The following C4orf51 variants were observed in gnomAD, a reference collection of about 807,000 sequenced individuals.
C4orf51 encodes the protein uncharacterized protein C4orf51.
C4orf51 carries 25 observed loss-of-function variants against 25.2 expected under a neutral mutation model. The observed-to-expected ratio is 0.99, with a 90% CI of 0.72 to 1.39. The LOEUF (loss-of-function observed/expected upper bound fraction) is 1.39. Among genes scored for constraint, C4orf51 ranks in the 40% most tolerant of loss-of-function variants. The probability of loss-of-function intolerance (pLI) is 0.00; values close to 1 mark genes in which losing one functional copy is unlikely to be tolerated. For missense variants in C4orf51, 252 were observed against 239.6 expected (o/e 1.05, Z -0.34); for synonymous variants, 100 against 84.5 (o/e 1.18, Z -1.01).
At chr4:145,740,863 A>C (rs4580670) in intron 1 of C4orf51, among the ~76,000 whole-genome samples, 98,314 of 152,132 alleles carry the variant, frequency 0.65, 32,857 homozygotes, top group Non-Finnish European at 0.74. Flanking sequence ...CATGATAGTT[A>C]ATAAAAAACA....
intron 1 of C4orf51, among the ~76,000 whole-genome samples, chr4:145,693,447 C>G (rs1049539890): frequency 1.4e-4 from 22 of 152,276 alleles, no homozygotes; most frequent in African/African-American, 2.6e-4. Context: ...CACACAGACA[C>G]GGCAACCATC....
chr4:145,774,410 G>T, downstream of C4orf51: 1 of 1,362,048 alleles, frequency 7.3e-7, no homozygotes, highest in Non-Finnish European at 1.0e-6. Flanking sequence ...AAAGGGCAAT[G>T]TCTCAGGGCA....
intron 1 of C4orf51, chr4:145,764,980 T>C: frequency 6.2e-7 from 1 of 1,611,810 alleles, no homozygotes; most frequent in Non-Finnish European, 8.5e-7. Context: ...TGTACTTGCT[T>C]TCCTTACTTG....
At chr4:145,790,999 A>C in the C4orf51 span, among the ~76,000 whole-genome samples, 1 of 152,140 alleles carries the variant, frequency 6.6e-6, no homozygotes, top group Non-Finnish European at 1.5e-5. Context: ...ATATGTTTTT[A>C]TATGATGGGA....
chr4:145,780,957 G>C, the C4orf51 span, among the ~76,000 whole-genome samples: 1 of 152,164 alleles, frequency 6.6e-6, no homozygotes, highest in South Asian at 2.1e-4. Flanking sequence ...AGCACTTCGG[G>C]AGGCCGAGGC....
At chr4:145,764,205 C>T (rs925528266) in intron 1 of C4orf51, among the ~76,000 whole-genome samples, 4 of 152,196 alleles carry the variant, frequency 2.6e-5, no homozygotes, top group Admixed American at 6.5e-5. Flanking sequence ...TGTCCTCCTA[C>T]CTGTGCTGCT....
intron 1 of C4orf51, among the ~76,000 whole-genome samples, chr4:145,682,807 T>C (rs1480883154): frequency 6.6e-6 from 1 of 152,158 alleles, no homozygotes; most frequent in Non-Finnish European, 1.5e-5. Context: ...TTGTCTGCCA[T>C]GGTTAAAATA....
At chr4:145,747,815 C>G (rs1387970880) in intron 1 of C4orf51, among the ~76,000 whole-genome samples, 1 of 150,952 alleles carries the variant, frequency 6.6e-6, no homozygotes, top group Non-Finnish European at 1.5e-5. Context: ...GCCACCCTCC[C>G]TCCCTCCTTC....
At chr4:145,748,014 G>A (rs1733462664) in intron 1 of C4orf51, among the ~76,000 whole-genome samples, 1 of 151,958 alleles carries the variant, frequency 6.6e-6, no homozygotes, top group South Asian at 2.1e-4. Flanking sequence ...TTTTTTTGCT[G>A]TGGGACTTTT....
intron 2 of C4orf51, among the ~76,000 whole-genome samples, chr4:145,707,257 A>G (rs888400257): frequency 6.6e-6 from 1 of 152,198 alleles, no homozygotes; most frequent in African/African-American, 2.4e-5. Context: ...ATACTTTTTT[A>G]TATAAAATCT....
At chr4:145,760,808 C>T (rs1734374448) in intron 1 of C4orf51, 6 of 1,185,984 alleles carry the variant, frequency 5.1e-6, no homozygotes, top group South Asian at 3.1e-5. Flanking sequence ...TCTCTCAGTC[C>T]GAGATAGGCC....
intron 1 of C4orf51, chr4:145,770,931 C>T (rs1736189551): frequency 6.6e-6 from 1 of 152,160 alleles, no homozygotes; most frequent in African/African-American, 2.4e-5. Context: ...AATGTGAGTA[C>T]CAGCATCATC....
At chr4:145,731,564 C>CTTTATT (rs1732469127) in intron 5 of C4orf51, among the ~76,000 whole-genome samples, 1 of 43,860 alleles carries the variant, frequency 2.3e-5, no homozygotes, top group Non-Finnish European at 3.8e-5. Context: ...CAAGGCAAAT[C>CTTTATT]TTTTTTTTTT....
At position 145,702,574 on chromosome 4, in the gene C4orf51, C is replaced by T. The variant is rs1361653130; in HGVS notation, c.307+5942C>T. ...CATGCCCTGCTCTTGTTTACACTGC[C>T]GGTTTACACTGTTTCTCCAAGCCAT... On this transcript the variant is annotated intron_variant, in intron 2 of 5. Coordinates refer to ENST00000438731, the MANE Select transcript of C4orf51 (RefSeq NM_001080531.3). 4.6e-5 allele frequency among the ~76,000 whole-genome samples: 7 copies of T among 152,248 alleles called. No individual in the cohort carries two copies. In the South Asian group the frequency reaches 1.5e-3, roughly 32 times the overall value.
chr4:145,778,022 T>G, the C4orf51 span, among the ~76,000 whole-genome samples: 1 of 152,158 alleles, frequency 6.6e-6, no homozygotes, highest in Non-Finnish European at 1.5e-5. Flanking sequence ...TTGAACATGT[T>G]AAAGTTTTCC....
chr4:145,681,716 G>A (rs1382504655), intron 1 of C4orf51, among the ~76,000 whole-genome samples: 1 of 152,162 alleles, frequency 6.6e-6, no homozygotes, highest in Non-Finnish European at 1.5e-5. Flanking sequence ...GGTGAAAGGT[G>A]GAAGAGAGCA....
At chr4:145,716,528 T>C (rs184855084) in intron 2 of C4orf51, among the ~76,000 whole-genome samples, 3 of 152,328 alleles carry the variant, frequency 2.0e-5, no homozygotes, top group Admixed American at 6.5e-5. Flanking sequence ...GAGAACACAA[T>C]AGATTATTTT....
chr4:145,767,828 A>G lies in C4orf51; in HGVS notation n.167-3160A>G, dbSNP rs557138563. Among the ~76,000 whole-genome samples the G allele has an allele frequency of 1.1e-4, 16 of 152,334 alleles. No homozygotes were observed. In the East Asian group the frequency reaches 2.1e-3, roughly 20 times the overall value. ...ATTAAAACAAATGAAGGAATTCATCACCAGCAGACCTGAATTACAAGAAAT... is the reference window on the plus strand; with the variant it reads ...ATTAAAACAAATGAAGGAATTCATCGCCAGCAGACCTGAATTACAAGAAAT... On this transcript the variant is annotated intron_variant and non_coding_transcript_variant, in intron 1 of 1. Coordinates refer to the C4orf51 transcript ENST00000510096.
Position 145,721,881 on chromosome 4 carries a change from G to A in C4orf51, c.308-5030G>A, listed in dbSNP as rs1033918236. Among the ~76,000 whole-genome samples, 7 of 152,290 alleles carry A rather than the reference G, an allele frequency of 4.6e-5. No individual in the cohort carries two copies. The East Asian group carries it at 7.7e-4, about 17-fold the overall frequency. ...TGCCTATGAGATGGGCGGGAGTTAC[G>A]TGGGGAGAAAATTAGGGAAAAGGTG... On this transcript the variant is annotated intron_variant, in intron 2 of 5. Coordinates refer to ENST00000438731, the MANE Select transcript of C4orf51 (RefSeq NM_001080531.3).
Sources: allele counts gnomAD v4.1 joint callset (sites outside exome capture counted in the v4.1 genomes callset), GRCh38; gene constraint gnomAD v4.1.1; transcripts MANE v1.5; gene names NCBI Gene and HGNC (gene_info 2026-07-23, HGNC 2026-07-21).